The following CAMTA1 variants were observed in gnomAD, a reference collection of about 807,000 sequenced individuals.
The protein encoded by CAMTA1 is calmodulin-binding transcription activator 1.
CAMTA1 carries 27 observed loss-of-function variants against 170.9 expected under a neutral mutation model. The ratio of observed to expected loss-of-function variants is 0.16; its 90% CI spans 0.12 to 0.22. CAMTA1 has a LOEUF of 0.22. CAMTA1 is among the 10% of genes least tolerant of loss of function. The pLI, the probability that CAMTA1 is intolerant of heterozygous loss-of-function variation, is 1.00. For missense variants in CAMTA1, 1,619 were observed against 2,217.2 expected (o/e 0.73, Z 5.42); for synonymous variants, 833 against 891.5 (o/e 0.93, Z 1.17).
intron 6 of CAMTA1, among the ~76,000 whole-genome samples, chr1:7,612,334 C>A (rs1576395142): frequency 6.6e-6 from 1 of 152,146 alleles, no homozygotes; most frequent in Non-Finnish European, 1.5e-5. Context: ...GATCTCCTCT[C>A]CAACTATCCC....
At chr1:7,569,611 A>G (rs1016493137) in intron 6 of CAMTA1, among the ~76,000 whole-genome samples, 1 of 151,776 alleles carries the variant, frequency 6.6e-6, no homozygotes, top group African/African-American at 2.4e-5. Flanking sequence ...CATCACCACC[A>G]TCACCATCTT....
chr1:7,019,111 C>T (rs931646887), intron 3 of CAMTA1, among the ~76,000 whole-genome samples: 1 of 152,162 alleles, frequency 6.6e-6, no homozygotes, highest in African/African-American at 2.4e-5. Flanking sequence ...TGGAGCGGTG[C>T]CTGGGTTCCG....
At chr1:7,392,329 C>T (rs1225927324) in intron 5 of CAMTA1, among the ~76,000 whole-genome samples, 2 of 149,344 alleles carry the variant, frequency 1.3e-5, no homozygotes, top group African/African-American at 4.9e-5. Flanking sequence ...AATCTCAGCT[C>T]ACCGCAACCT....
intron 5 of CAMTA1, among the ~76,000 whole-genome samples, chr1:7,305,801 C>G (rs1157951213): frequency 1.3e-5 from 2 of 151,994 alleles, no homozygotes; most frequent in Non-Finnish European, 2.9e-5. Flanking sequence ...AAGAAATTGT[C>G]AACACATTTT....
At chr1:6,838,686 A>G (rs923111786) in intron 3 of CAMTA1, among the ~76,000 whole-genome samples, 1 of 152,152 alleles carries the variant, frequency 6.6e-6, no homozygotes, top group Non-Finnish European at 1.5e-5. Flanking sequence ...ATGTAGTTCT[A>G]TAACCTGGCT....
chr1:7,273,587 G>C (rs1670161789), intron 5 of CAMTA1, among the ~76,000 whole-genome samples: 1 of 152,164 alleles, frequency 6.6e-6, no homozygotes, highest in Admixed American at 6.5e-5. Context: ...TGTCAGGTAG[G>C]GATGAGGGGT....
chr1:6,959,355 G>A (rs1453943583), intron 3 of CAMTA1, among the ~76,000 whole-genome samples: 3 of 152,202 alleles, frequency 2.0e-5, no homozygotes, highest in Non-Finnish European at 4.4e-5. Flanking sequence ...CACTGTGAGG[G>A]AGTTTGCAGG....
intron 4 of CAMTA1, among the ~76,000 whole-genome samples, chr1:7,209,089 TTTG>T (rs34746795): frequency 1.1e-4 from 17 of 152,042 alleles, no homozygotes; most frequent in African/African-American, 3.6e-4. Flanking sequence ...ATACTTCTAT[TTTG>T]TTGTTGTTGT....
chr1:7,118,591 G>A (rs1217563939), intron 4 of CAMTA1, among the ~76,000 whole-genome samples: 1 of 152,056 alleles, frequency 6.6e-6, no homozygotes, highest in Admixed American at 6.6e-5. Flanking sequence ...TCTGAGCTTT[G>A]ATGCTTTTGA....
In CAMTA1 at chr1:7,507,689, G is replaced by T. The variant is rs555233083; in HGVS notation, c.510+39788G>T. 2.0e-5 allele frequency among the ~76,000 whole-genome samples: 3 copies of T among 152,312 alleles called. No individual in the cohort carries two copies. The East Asian group carries it at 5.8e-4, about 29-fold the overall frequency. On this transcript the variant is annotated intron_variant, in intron 6 of 22. Transcript: ENST00000303635. ...GCCCCCGAGCAGGCAACAGGTAGGG[G>T]CCCAGGCCCCAGGGGCCTCTCCAGT...
chr1:6,926,434 TTTTCTCTTTC>T (rs1161857553), intron 3 of CAMTA1, among the ~76,000 whole-genome samples: 1 of 127,260 alleles, frequency 7.9e-6, no homozygotes, highest in African/African-American at 3.1e-5. Flanking sequence ...TCTTTCTTTC[TTTTCTCTTTC>T]TTTCTTTCTT....
At chr1:7,013,209 C>CTTCTT (rs1304575208) in intron 3 of CAMTA1, among the ~76,000 whole-genome samples, 22 of 84,194 alleles carry the variant, frequency 2.6e-4, no homozygotes, top group Admixed American at 1.2e-3. Flanking sequence ...TGCCCTTCTT[C>CTTCTT]TTTTTTTTTT....
rs61780047 is a variant in CAMTA1, at chr1:7,323,478, C to T, written c.438+73852C>T. ...CTTCCTTAGTACTCCCTACCCCTAG[C>T]CTGGGATGATTCTATTTCCTTTATT... On this transcript the variant is annotated intron_variant, in intron 5 of 22. Coordinates refer to ENST00000303635, the MANE Select transcript of CAMTA1 (RefSeq NM_015215.4). 4.1e-3 allele frequency among the ~76,000 whole-genome samples: 613 copies of T among 149,684 alleles called. 4 individuals are homozygous for T. Among genetic ancestry groups the T allele is most frequent in the Non-Finnish European group, 7.5e-3 (506 of 67,550 alleles).
intron 11 of CAMTA1, among the ~76,000 whole-genome samples, chr1:7,729,695 C>T (rs1300977143): frequency 2.0e-5 from 3 of 152,222 alleles, no homozygotes; most frequent in Non-Finnish European, 4.4e-5. Flanking sequence ...CTCCATGTGC[C>T]TCAGTTTTCT....
At chr1:7,764,714 C>T (rs1000398232) in intron 22 of CAMTA1, among the ~76,000 whole-genome samples, 39 of 152,116 alleles carry the variant, frequency 2.6e-4, no homozygotes, top group African/African-American at 8.9e-4. Flanking sequence ...AATTCAAGCA[C>T]TTTGGGAGGC....
chr1:7,578,549 C>T (rs565663705), intron 6 of CAMTA1, among the ~76,000 whole-genome samples: 2 of 152,364 alleles, frequency 1.3e-5, no homozygotes, highest in South Asian at 4.1e-4. Flanking sequence ...CACGTGCATC[C>T]AAGCGGCTCC....
chr1:7,294,984 A>G (rs1023970527), intron 5 of CAMTA1, among the ~76,000 whole-genome samples: 3 of 152,176 alleles, frequency 2.0e-5, no homozygotes, highest in Non-Finnish European at 4.4e-5. Context: ...CTCCTTGTCT[A>G]TGCTGGCAGA....
At chr1:7,100,225 C>T (rs551943042) in intron 4 of CAMTA1, among the ~76,000 whole-genome samples, 21 of 152,246 alleles carry the variant, frequency 1.4e-4, no homozygotes, top group Non-Finnish European at 2.6e-4. Context: ...AACCCTGCAT[C>T]TGCTTCCCGT....
At chr1:7,338,879 C>T (rs1455079705) in intron 5 of CAMTA1, among the ~76,000 whole-genome samples, 9 of 152,218 alleles carry the variant, frequency 5.9e-5, no homozygotes, top group Admixed American at 5.9e-4. Flanking sequence ...TTAATTGGCT[C>T]ACAGTTCCGC....
Sources: gnomAD v4.1 joint callset for allele counts (sites outside exome capture counted in the v4.1 genomes callset) on GRCh38, gnomAD v4.1.1 for gene constraint, MANE v1.5 for transcripts, NCBI Gene and HGNC (gene_info 2026-07-23, HGNC 2026-07-21) for gene names.